XKR9: variants seen among roughly 807,000 people sequenced by gnomAD.
XKR9 encodes the protein XK related 9.
In XKR9, 32 loss-of-function variants were observed where a neutral mutation model predicts 32.0. The ratio of observed to expected loss-of-function variants is 1.00; its 90% CI spans 0.76 to 1.34. XKR9 has a LOEUF of 1.34. XKR9 is among the 40% of genes most tolerant of loss of function. The pLI is 0.00. For missense variants in XKR9, 546 were observed against 429.7 expected, an observed-to-expected ratio of 1.27 and a Z score of -2.39; for synonymous variants, 168 against 143.4, an observed-to-expected ratio of 1.17 and a Z score of -1.22.
At chr8:71,048,419 A>G in the XKR9 span, among the ~76,000 whole-genome samples, 18 of 152,138 alleles carry the variant, frequency 1.2e-4, no homozygotes, top group African/African-American at 4.3e-4. Context: ...TATTAATAAT[A>G]GGTATATTTC....
At chr8:70,724,025 G>A (rs1260227632) in intron 4 of XKR9, among the ~76,000 whole-genome samples, 1 of 152,022 alleles carries the variant, frequency 6.6e-6, no homozygotes, top group Non-Finnish European at 1.5e-5. Flanking sequence ...AGGGAGATGG[G>A]AATTTTATCC....
chr8:70,799,489 C>A, the XKR9 span, among the ~76,000 whole-genome samples: 1 of 152,064 alleles, frequency 6.6e-6, no homozygotes, highest in Admixed American at 6.6e-5. Context: ...TGCCACCATG[C>A]CCAGCTAATT....
downstream of XKR9, chr8:70,790,495 C>T (rs564931343): frequency 3.3e-4 from 50 of 152,082 alleles, 1 homozygote; most frequent in Admixed American, 2.6e-3. Flanking sequence ...CCTTTAGTTC[C>T]GTAAATGTCT....
chr8:70,739,401 TG>T (rs1339906073), downstream of XKR9, among the ~76,000 whole-genome samples: 1 of 152,250 alleles, frequency 6.6e-6, no homozygotes, highest in Non-Finnish European at 1.5e-5. Context: ...AGCACACTGA[TG>T]GGTCTTGACT....
intron 3 of XKR9, among the ~76,000 whole-genome samples, chr8:70,697,048 T>C (rs1226055608): frequency 6.6e-6 from 1 of 151,930 alleles, no homozygotes; most frequent in African/African-American, 2.4e-5. Context: ...CCTGAGACTT[T>C]GCCGAAGTTG....
chr8:70,741,754 T>C (rs191818527), intron 2 of XKR9, among the ~76,000 whole-genome samples: 2 of 152,330 alleles, frequency 1.3e-5, no homozygotes, highest in East Asian at 3.9e-4. Context: ...TGCTTTCAGT[T>C]CTTTTGGATA....
chr8:70,827,281 G>C, the XKR9 span, among the ~76,000 whole-genome samples: 1 of 152,088 alleles, frequency 6.6e-6, no homozygotes, highest in South Asian at 2.1e-4. Flanking sequence ...ATAAAATGCA[G>C]TTCCTAGAAA....
the XKR9 span, among the ~76,000 whole-genome samples, chr8:70,963,468 T>G: frequency 1.1e-4 from 17 of 152,214 alleles, no homozygotes; most frequent in African/African-American, 3.9e-4. Context: ...TTTATATTCC[T>G]TTGGGGATAT....
chr8:70,936,175 A>T, the XKR9 span, among the ~76,000 whole-genome samples: 3 of 152,182 alleles, frequency 2.0e-5, no homozygotes, highest in East Asian at 5.8e-4. Flanking sequence ...GAAACCTTGG[A>T]ATCCTTAAGA....
intron 2 of XKR9, among the ~76,000 whole-genome samples, chr8:70,788,947 G>T (rs768628082): frequency 6.6e-6 from 1 of 152,036 alleles, no homozygotes; most frequent in Non-Finnish European, 1.5e-5. Context: ...TTGTATGCTT[G>T]CTGATTGACT....
At chr8:70,685,901 T>A (rs1000485101) in intron 3 of XKR9, among the ~76,000 whole-genome samples, 4 of 151,550 alleles carry the variant, frequency 2.6e-5, no homozygotes, top group Middle Eastern at 3.4e-3. Context: ...ATAAAAAAAA[T>A]TATATTTAAA....
chr8:70,926,351 G>A, the XKR9 span, among the ~76,000 whole-genome samples: 19 of 152,268 alleles, frequency 1.2e-4, no homozygotes, highest in East Asian at 3.1e-3. Context: ...GATTACAGGC[G>A]TGAGCCACTG....
At chr8:70,689,469 GTATATATATGTATTTTTTATATA>G (rs988820227) in intron 3 of XKR9, among the ~76,000 whole-genome samples, 6 of 147,926 alleles carry the variant, frequency 4.1e-5, no homozygotes, top group Non-Finnish European at 8.9e-5. Context: ...TGTATTTTAT[GTATATATATGTATTTTTTATATA>G]TATGTATTAT....
chr8:70,710,112 G>T (rs962814114), intron 4 of XKR9, among the ~76,000 whole-genome samples: 1 of 152,044 alleles, frequency 6.6e-6, no homozygotes, highest in African/African-American at 2.4e-5. Context: ...AATGGAACAG[G>T]TTAGAAAGCT....
intron 4 of XKR9, among the ~76,000 whole-genome samples, chr8:70,718,331 T>G (rs1259981567): frequency 6.6e-6 from 1 of 151,342 alleles, no homozygotes; most frequent in African/African-American, 2.4e-5. Context: ...TTACTTTAAG[T>G]TCTGGGGTAC....
chr8:70,734,990 C>T lies in XKR9; in HGVS notation c.*566C>T, dbSNP rs1806817383. 6.6e-6 allele frequency: 1 copy of T among 152,202 alleles called. No homozygotes were observed. Among genetic ancestry groups the T allele is most frequent in the African/African-American group, 2.4e-5 (1 of 41,438 alleles). 9.4% of individuals were successfully genotyped at this position (152,202 alleles called of 1,614,324 possible). A position where few individuals can be genotyped will look rare whatever the true frequency, so the allele number is the denominator to read the frequency against. On this transcript the variant is annotated 3_prime_UTR_variant, in exon 5 of 5. Coordinates refer to ENST00000408926, the MANE Select transcript of XKR9 (RefSeq NM_001011720.2). ...GAGAGGTCTGACATTTCATTATTTA[C>T]TTATTTCCTAGCTTTTCTGAATTAA...
At chr8:70,981,840 A>T in the XKR9 span, among the ~76,000 whole-genome samples, 1 of 152,188 alleles carries the variant, frequency 6.6e-6, no homozygotes, top group South Asian at 2.1e-4. Context: ...GTGCTCCTTG[A>T]TATGATGTTC....
the XKR9 span, among the ~76,000 whole-genome samples, chr8:71,038,434 C>T: frequency 4.6e-5 from 7 of 151,494 alleles, no homozygotes; most frequent in East Asian, 1.4e-3. Flanking sequence ...GATTCTCCTG[C>T]CTCAGCCTCC....
chr8:70,740,969 G>T (rs6990670), intron 2 of XKR9, among the ~76,000 whole-genome samples: 102,779 of 152,046 alleles, frequency 0.68, 35,257 homozygotes, highest in Admixed American at 0.74. Context: ...TCCAGCTGCG[G>T]GCTGGGAGAA....
Sources: allele counts gnomAD v4.1 joint callset (sites outside exome capture counted in the v4.1 genomes callset), GRCh38; gene constraint gnomAD v4.1.1; transcripts MANE v1.5; gene names NCBI Gene and HGNC (gene_info 2026-07-23, HGNC 2026-07-21).